The following ARFGEF3 variants were observed in gnomAD, a reference collection of about 807,000 sequenced individuals.
The protein encoded by ARFGEF3 is ARFGEF family member 3, also known as brefeldin A-inhibited guanine nucleotide-exchange protein 3.
Under a neutral mutation model 221.7 loss-of-function variants are expected in ARFGEF3, and 96 were observed. The observed-to-expected ratio is 0.43, with a 90% CI of 0.37 to 0.51. ARFGEF3 has a LOEUF of 0.51. ARFGEF3 is among the 20% of genes least tolerant of loss of function. The pLI is 0.00. For synonymous variants in ARFGEF3, 1,145 were observed against 1,126.8 expected (o/e 1.02, Z -0.32); for missense variants, 2,410 against 2,789.9 (o/e 0.86, Z 3.07).
chr6:138,279,985 C>T lies in ARFGEF3; in HGVS notation c.2296-14C>T, dbSNP rs749300750. 1.1e-5 allele frequency: 18 copies of T among 1,613,144 alleles called. 1 individual carries two copies. Among genetic ancestry groups the T allele is most frequent in the South Asian group, 9.9e-5 (9 of 91,048 alleles). On this transcript the variant is annotated splice_polypyrimidine_tract_variant and intron_variant, in intron 13 of 33. Transcript: ENST00000251691. ...GGTGTTATGTGGTCACCTTCTCATG[C>T]GATCTCTCTGTAGAAGGACTTCATG...
At position 138,171,159 on chromosome 6, in the gene ARFGEF3, T is replaced by C. The variant is rs1031990165; in HGVS notation, c.137+446T>C. Among the ~76,000 whole-genome samples the C allele has an allele frequency of 1.1e-4, 17 of 151,840 alleles. 1 individual carries two copies. Among genetic ancestry groups the C allele is most frequent in the African/African-American group, 4.1e-4 (17 of 41,114 alleles). ...CTTACTTTTGGTGGGGACACGTTCATATGATAGCATAGCATTTTACTTGCT... is the reference window on the plus strand; with the variant it reads ...CTTACTTTTGGTGGGGACACGTTCACATGATAGCATAGCATTTTACTTGCT... On this transcript the variant is annotated intron_variant, in intron 2 of 33. Transcript: ENST00000251691.
At chr6:138,279,884 C>T in intron 13 of ARFGEF3, 115 bp from the exon 14 acceptor site, 7 of 1,016,810 alleles carry the variant, frequency 6.9e-6, no homozygotes, top group South Asian at 1.5e-5. Context: ...TTACCCAATA[C>T]ACAAGCCTTG....
chr6:138,307,850 A>G (rs1779754660), intron 23 of ARFGEF3, among the ~76,000 whole-genome samples: 1 of 152,118 alleles, frequency 6.6e-6, no homozygotes, highest in African/African-American at 2.4e-5. Flanking sequence ...CTAAACTCAG[A>G]AACCCACCAG....
Position 138,333,991 on chromosome 6 carries a change from G to A in ARFGEF3, c.5145G>A (p.Val1715=). The change falls in exon 33 of 34, where the codon GTG becomes GTA. Residue 1715 remains valine, a synonymous_variant. Transcript: ENST00000251691. ...GAAGCGTGTCTTTCAGGGAAATTGT[G>A]GTGAGCCTGCTGTCTCATCAGGTGT... ...TKKSVSFREI[V]VSLLSHQVLL... The A allele has an allele frequency of 6.2e-7, 1 of 1,607,688 alleles. No homozygotes were observed.
At chr6:138,248,039 G>C (rs1185430314) in intron 8 of ARFGEF3, among the ~76,000 whole-genome samples, 1 of 152,154 alleles carries the variant, frequency 6.6e-6, no homozygotes, top group Non-Finnish European at 1.5e-5. Flanking sequence ...TCAAAGATTG[G>C]GTGCTGTCAG....
chr6:138,280,357 T>C (rs1337893924), intron 14 of ARFGEF3, among the ~76,000 whole-genome samples, 193 bp downstream of exon 14: 3 of 152,238 alleles, frequency 2.0e-5, no homozygotes, highest in Admixed American at 6.5e-5. Context: ...CCCTTTTCCA[T>C]GTGGGAGTCT....
rs1780344461 is a variant in ARFGEF3 at position 138,337,258 on chromosome 6, A to C, written c.*772A>C. On this transcript the variant is annotated 3_prime_UTR_variant, in exon 34 of 34. Transcript: ENST00000251691. ...GGTACGTAGATTGTCAAGAGACATA[A>C]GACCGACCAGCCACCCTGGCTGTTC... 6.5e-6 allele frequency: 1 copy of C among 152,678 alleles called. No homozygotes were observed. Among genetic ancestry groups the C allele is most frequent in the East Asian group, 1.9e-4 (1 of 5,204 alleles). 9.5% of individuals were successfully genotyped at this position (152,678 alleles called of 1,614,324 possible).
chr6:138,299,703 C>T (rs1779595400), intron 22 of ARFGEF3, among the ~76,000 whole-genome samples: 1 of 152,200 alleles, frequency 6.6e-6, no homozygotes, highest in South Asian at 2.1e-4. Flanking sequence ...CTGGTCATCC[C>T]AGACGTGAGT....
intron 2 of ARFGEF3, among the ~76,000 whole-genome samples, chr6:138,192,938 TATCCATTTGCTAC>T (rs1777337078): frequency 6.6e-6 from 1 of 152,248 alleles, no homozygotes; most frequent in Non-Finnish European, 1.5e-5. Context: ...GTCTGTTTTC[TATCCATTTGCTAC>T]ATTGTAGCCA....
chr6:138,204,776 T>C (rs1038803351), intron 2 of ARFGEF3, among the ~76,000 whole-genome samples: 8 of 152,364 alleles, frequency 5.3e-5, no homozygotes, highest in Admixed American at 3.3e-4. Context: ...ACTGCAAAAC[T>C]TATCAATGCC....
chr6:138,273,099 G>A (rs753080898), intron 12 of ARFGEF3, among the ~76,000 whole-genome samples: 5 of 152,140 alleles, frequency 3.3e-5, no homozygotes, highest in South Asian at 2.1e-4. Context: ...TTTAGAAAAC[G>A]TCAAGTTACA....
At chr6:138,188,026 A>G (rs369910933) in intron 2 of ARFGEF3, among the ~76,000 whole-genome samples, 1 of 152,328 alleles carries the variant, frequency 6.6e-6, no homozygotes, top group South Asian at 2.1e-4. Context: ...TTGCTATAAA[A>G]TAATAGAGTA....
chr6:138,313,763 T>C, intron 25 of ARFGEF3, 32 bp from the exon 26 acceptor site: 1 of 1,588,790 alleles, frequency 6.3e-7, no homozygotes, highest in Non-Finnish European at 8.6e-7. Flanking sequence ...TTCCAACATA[T>C]AATTGCAGTT....
chr6:138,277,437 A>T (rs150191449), intron 12 of ARFGEF3, among the ~76,000 whole-genome samples: 60 of 152,342 alleles, frequency 3.9e-4, no homozygotes, highest in African/African-American at 1.3e-3. Context: ...ACACTGATGT[A>T]CAAACGTCTG....
intron 2 of ARFGEF3, among the ~76,000 whole-genome samples, chr6:138,176,406 T>C (rs145625656): frequency 0.037 from 5,635 of 152,130 alleles, 115 homozygotes; most frequent in Middle Eastern, 0.092. Flanking sequence ...TGGTCTCGAA[T>C]GCCTGACCTC....
chr6:138,271,438 A>G (rs762126795), intron 12 of ARFGEF3, among the ~76,000 whole-genome samples: 26 of 152,222 alleles, frequency 1.7e-4, no homozygotes, highest in Non-Finnish European at 2.6e-4. Context: ...TAATGATGAT[A>G]ATAATAGCTA....
In ARFGEF3 at chr6:138,298,375, C is replaced by T. The variant is rs561102028; in HGVS notation, c.3649-231C>T. Among the ~76,000 whole-genome samples, 4 of 152,286 alleles carry T rather than the reference C, an allele frequency of 2.6e-5. No individual in the cohort carries two copies. In the South Asian group the frequency reaches 8.3e-4, roughly 32 times the overall value. On this transcript the variant is annotated intron_variant, in intron 21 of 33. Coordinates refer to ENST00000251691, the MANE Select transcript of ARFGEF3 (RefSeq NM_020340.5). ...GAAAAAGAAATTACCGGAAACTTTCCTTTTTCTAGAAACATTAACATGAAA... is the reference window on the plus strand; with the variant it reads ...GAAAAAGAAATTACCGGAAACTTTCTTTTTTCTAGAAACATTAACATGAAA...
At chr6:138,222,322 T>C (rs568508916) in intron 4 of ARFGEF3, among the ~76,000 whole-genome samples, 1 of 152,362 alleles carries the variant, frequency 6.6e-6, no homozygotes, top group South Asian at 2.1e-4. Flanking sequence ...TTGGGCCACA[T>C]TCAAAGCTGT....
chr6:138,173,081 T>C (rs1020265012), intron 2 of ARFGEF3, among the ~76,000 whole-genome samples: 6 of 152,108 alleles, frequency 3.9e-5, no homozygotes, highest in Non-Finnish European at 5.9e-5. Flanking sequence ...GAAAATGGAA[T>C]GGAAATACAA....
Sources: allele counts gnomAD v4.1 joint callset (sites outside exome capture counted in the v4.1 genomes callset), GRCh38; gene constraint gnomAD v4.1.1; transcripts MANE v1.5; gene names NCBI Gene and HGNC (gene_info 2026-07-23, HGNC 2026-07-21).